FGF14: variants seen among roughly 807,000 people sequenced by gnomAD.
The protein encoded by FGF14 is fibroblast growth factor 14, also known as fibroblast growth factor homologous factor 4.
In FGF14, 5 loss-of-function variants were observed where a neutral mutation model predicts 25.5. The observed-to-expected ratio is 0.20, with a 90% CI of 0.10 to 0.41. The LOEUF is 0.41. Among genes scored for constraint, FGF14 ranks in the 10% least tolerant of loss-of-function variants. The pLI, the probability that FGF14 is intolerant of heterozygous loss-of-function variation, is 1.00. For missense variants in FGF14, 222 were observed against 320.1 expected (o/e 0.69, Z 2.34); for synonymous variants, 138 against 118.3 (o/e 1.17, Z -1.08).
intron 1 of FGF14, among the ~76,000 whole-genome samples, chr13:102,232,685 T>C (rs2051138749): frequency 6.6e-6 from 1 of 152,238 alleles, no homozygotes; most frequent in African/African-American, 2.4e-5. Flanking sequence ...TTAACATATA[T>C]TTTGACACAA....
At chr13:101,960,440 T>C (rs1457658193) in intron 1 of FGF14, among the ~76,000 whole-genome samples, 3 of 152,188 alleles carry the variant, frequency 2.0e-5, no homozygotes, top group African/African-American at 2.4e-5. Context: ...CACCCACTTA[T>C]AAGTGAAAAC....
intron 1 of FGF14, among the ~76,000 whole-genome samples, chr13:102,325,748 A>T (rs1352577236): frequency 1.3e-5 from 2 of 152,132 alleles, no homozygotes; most frequent in Admixed American, 6.5e-5. Context: ...TACCATGTTT[A>T]TCTTTTATTT....
chr13:102,169,236 G>C (rs906816488), intron 1 of FGF14, among the ~76,000 whole-genome samples: 1 of 151,604 alleles, frequency 6.6e-6, no homozygotes, highest in African/African-American at 2.4e-5. Context: ...GGCCTTACTT[G>C]TGCTTCCCCA....
chr13:102,097,598 A>G (rs7327611), intron 1 of FGF14, among the ~76,000 whole-genome samples: 58,855 of 152,012 alleles, frequency 0.39, 13,603 homozygotes, highest in Non-Finnish European at 0.52. Flanking sequence ...ACGCAGTAAC[A>G]CTCAGACGCA....
intron 3 of FGF14, among the ~76,000 whole-genome samples, chr13:101,786,974 G>A (rs186067894): frequency 1.7e-3 from 265 of 152,184 alleles, no homozygotes; most frequent in Non-Finnish European, 3.1e-3. Flanking sequence ...ACATCATGTC[G>A]CTATTTAATC....
intron 1 of FGF14, among the ~76,000 whole-genome samples, chr13:102,338,482 GATCA>G (rs1274772021): frequency 6.6e-6 from 1 of 152,168 alleles, no homozygotes; most frequent in Admixed American, 6.5e-5. Flanking sequence ...TAGAAAAGCT[GATCA>G]ATGAACTAAT....
chr13:102,111,781 A>C (rs199583785), intron 1 of FGF14, among the ~76,000 whole-genome samples: 20 of 36,038 alleles, frequency 5.5e-4, no homozygotes, highest in African/African-American at 1.3e-3. Context: ...ATCAAACAAA[A>C]AAAAAAAAAA....
rs1409952613 is a variant in FGF14, at chr13:101,716,178, T to C, written c.*6653A>G. The C allele has an allele frequency of 2.0e-5, 3 of 152,236 alleles. No individual in the cohort carries two copies. The highest frequency in any genetic ancestry group is 4.4e-5 in the Non-Finnish European group (3 of 68,086). 9.4% of individuals were successfully genotyped at this position (152,236 alleles called of 1,614,324 possible). A position where few individuals can be genotyped will look rare whatever the true frequency, so the allele number is the denominator to read the frequency against. ...CTAAGGAAAACATGCATATTCACAT[T>C]AATTAATCGATCAGATTTTTCCAGA... On this transcript the variant is annotated 3_prime_UTR_variant, in exon 5 of 5. Transcript: ENST00000376143.
Position 102,100,835 on chromosome 13 carries a change from C to T in FGF14, c.209-225539G>A, listed in dbSNP as rs1008239996. 3.9e-5 allele frequency among the ~76,000 whole-genome samples: 6 copies of T among 152,324 alleles called. No individual in the cohort carries two copies. The East Asian group carries it at 1.2e-3, about 29-fold the overall frequency. ...TAAAGTGAGGCTGGGCACGGTGGCTCACGCCTGTAATCCCAACACTTTGGG... is the reference window on the plus strand; with the variant it reads ...TAAAGTGAGGCTGGGCACGGTGGCTTACGCCTGTAATCCCAACACTTTGGG... On this transcript the variant is annotated intron_variant, in intron 1 of 4. Coordinates refer to the FGF14 transcript ENST00000376131.
At chr13:102,326,437 C>A (rs563287307) in intron 1 of FGF14, among the ~76,000 whole-genome samples, 1 of 152,154 alleles carries the variant, frequency 6.6e-6, no homozygotes, top group East Asian at 1.9e-4. Flanking sequence ...CCAGTAAACT[C>A]TTTTCTTGGG....
chr13:102,174,949 T>C (rs867101534), intron 1 of FGF14, among the ~76,000 whole-genome samples: 1 of 151,960 alleles, frequency 6.6e-6, no homozygotes, highest in South Asian at 2.1e-4. Context: ...AAAGAAATTG[T>C]AACTGGCACG....
At chr13:101,818,853 G>A (rs1209684464) in intron 3 of FGF14, among the ~76,000 whole-genome samples, 3 of 152,130 alleles carry the variant, frequency 2.0e-5, no homozygotes, top group Non-Finnish European at 4.4e-5. Flanking sequence ...AATGATTTTA[G>A]TAATAGGATT....
chr13:101,993,259 C>A (rs1388621070), intron 1 of FGF14, among the ~76,000 whole-genome samples: 1 of 149,928 alleles, frequency 6.7e-6, no homozygotes, highest in East Asian at 1.9e-4. Context: ...GAAAAATTAT[C>A]CTTCAAAAAC....
At chr13:102,040,355 C>A (rs994178551) in intron 1 of FGF14, among the ~76,000 whole-genome samples, 2 of 152,104 alleles carry the variant, frequency 1.3e-5, no homozygotes, top group African/African-American at 2.4e-5. Flanking sequence ...TCCAGGTATA[C>A]AATACCTTTT....
intron 1 of FGF14, among the ~76,000 whole-genome samples, chr13:102,169,136 G>T (rs772002290): frequency 3.3e-5 from 5 of 151,048 alleles, no homozygotes; most frequent in African/African-American, 4.9e-5. Context: ...TAGGCAACTA[G>T]ATTACACTAA....
chr13:101,804,099 T>C (rs777621174), intron 3 of FGF14, among the ~76,000 whole-genome samples: 7 of 150,952 alleles, frequency 4.6e-5, no homozygotes, highest in Non-Finnish European at 8.8e-5. Flanking sequence ...TGTGTTACCA[T>C]GGAGATCACT....
intron 1 of FGF14, among the ~76,000 whole-genome samples, chr13:102,259,925 T>C (rs1176144684): frequency 6.6e-6 from 1 of 152,176 alleles, no homozygotes. Context: ...AAAACATAAG[T>C]ATAAATACTA....
At chr13:101,734,833 C>A (rs2139741239) in intron 3 of FGF14, among the ~76,000 whole-genome samples, 1 of 152,262 alleles carries the variant, frequency 6.6e-6, no homozygotes, top group African/African-American at 2.4e-5. Flanking sequence ...TTACTTTCAT[C>A]AAGATAAATA....
intron 1 of FGF14, among the ~76,000 whole-genome samples, chr13:102,280,733 C>G (rs189975048): frequency 6.6e-6 from 1 of 152,262 alleles, no homozygotes; most frequent in African/African-American, 2.4e-5. Flanking sequence ...GAAATAAGAA[C>G]AGCTCCAAGA....
Sources: allele counts gnomAD v4.1 joint callset (sites outside exome capture counted in the v4.1 genomes callset), GRCh38; gene constraint gnomAD v4.1.1; transcripts MANE v1.5; gene names NCBI Gene and HGNC (gene_info 2026-07-23, HGNC 2026-07-21).